MCF2L: variants seen among roughly 807,000 people sequenced by gnomAD.
MCF2L encodes the protein guanine nucleotide exchange factor DBS.
A neutral mutation model predicts 153.4 loss-of-function variants in MCF2L; 97 were observed. The observed-to-expected ratio is 0.63, with a 90% CI of 0.54 to 0.75. The LOEUF (loss-of-function observed/expected upper bound fraction) is 0.75, where lower values mean the gene tolerates loss of function less well. MCF2L is among the 30% of genes least tolerant of loss of function. The probability of loss-of-function intolerance (pLI) is 0.00; values close to 1 mark genes in which losing one functional copy is unlikely to be tolerated. For missense variants in MCF2L, 1,347 were observed against 1,495.2 expected (o/e 0.90, Z 1.64); for synonymous variants, 659 against 632.2 (o/e 1.04, Z -0.64).
intron 1 of MCF2L, among the ~76,000 whole-genome samples, chr13:112,897,692 G>T (rs1057493046): frequency 3.3e-5 from 5 of 152,194 alleles, no homozygotes; most frequent in Non-Finnish European, 7.3e-5. Flanking sequence ...TGTTTTCTTC[G>T]CAGTCACCAT....
rs1226865295 is a variant in MCF2L, at chr13:113,085,317, G to C, written c.2247+139G>C. On this transcript the variant is annotated intron_variant, in intron 20 of 29. Transcript: ENST00000535094. ...TCTTCCGAGCCTGTGCTGAGGCTGG[G>C]ATGCCTTTCGAGGTCCTACTGTGCG... 4.3e-6 allele frequency: 3 copies of C among 697,368 alleles called. No homozygotes were observed. The African/African-American group carries it at 5.3e-5, about 12-fold the overall frequency. 43.2% of individuals were successfully genotyped at this position (697,368 alleles called of 1,614,324 possible).
In MCF2L at chr13:112,993,002, T is replaced by C. The variant is rs1189241199; in HGVS notation, c.80-21761T>C. ...GCCCCGGCTCAGTCTCTGCCAAACG[T>C]GCGCGGGCATCAGGCAGGAGTCCAT... On this transcript the variant is annotated intron_variant, in intron 1 of 29. Coordinates refer to ENST00000535094, the MANE Select transcript of MCF2L (RefSeq NM_001112732.3). The surrounding 1 kb of genome is among the most constrained non-coding windows in gnomAD (Gnocchi z 4.6). 1.3e-5 allele frequency among the ~76,000 whole-genome samples: 2 copies of C among 152,240 alleles called. No individual in the cohort carries two copies. Among genetic ancestry groups the C allele is most frequent in the South Asian group, 4.1e-4 (2 of 4,830 alleles).
At position 113,031,991 on chromosome 13, in the gene MCF2L, C is replaced by A. The variant is rs2085756901; in HGVS notation, c.278+7233C>A. Among the ~76,000 whole-genome samples, 1 of 152,116 alleles carries A rather than the reference C, an allele frequency of 6.6e-6. No homozygotes were observed. Among genetic ancestry groups the A allele is most frequent in the African/African-American group, 2.4e-5 (1 of 41,418 alleles). The stretch of plus-strand genomic sequence containing the variant: ...ACACACACATGCAAGTGCATGCATA[C>A]CCCCCCACAGACCTGCACATGTACA... On this transcript the variant is annotated intron_variant, in intron 3 of 29. Coordinates refer to ENST00000535094, the MANE Select transcript of MCF2L (RefSeq NM_001112732.3). This position sits in a 1 kb window ranked among gnomAD's most constrained non-coding sequence, Gnocchi z 5.5.
intron 3 of MCF2L, among the ~76,000 whole-genome samples, chr13:113,029,556 T>C (rs1054597833): frequency 1.3e-5 from 2 of 152,066 alleles, no homozygotes; most frequent in African/African-American, 4.8e-5. Context: ...CGAGCAAAAT[T>C]GCCAGGCTAG....
chr13:113,087,092 C>T (rs551535626), intron 21 of MCF2L, 143 bp from the exon 22 acceptor site: 11 of 671,628 alleles, frequency 1.6e-5, no homozygotes, highest in South Asian at 3.8e-5. Context: ...TCAGTCTCCA[C>T]GAGCTTGCCT....
At chr13:112,908,832 TC>T (rs1399977420) in intron 2 of MCF2L, among the ~76,000 whole-genome samples, 1 of 151,766 alleles carries the variant, frequency 6.6e-6, no homozygotes, top group East Asian at 2.0e-4. Context: ...TTCACGCCAT[TC>T]TCCTGCCTCA....
intron 1 of MCF2L, among the ~76,000 whole-genome samples, chr13:112,982,441 C>T (rs990632557): frequency 6.6e-6 from 1 of 152,178 alleles, no homozygotes; most frequent in South Asian, 2.1e-4. Flanking sequence ...AGGGATGGAG[C>T]GAGCCCAGGC....
At chr13:113,091,996 G>A (rs959600365) in intron 26 of MCF2L, among the ~76,000 whole-genome samples, 11 of 152,212 alleles carry the variant, frequency 7.2e-5, no homozygotes, top group Non-Finnish European at 1.5e-4. Flanking sequence ...TCAGAGGCAG[G>A]GAGCTGGCCC....
chr13:113,066,068 A>G lies in MCF2L; in HGVS notation c.779A>G (p.Lys260Arg). The G allele has an allele frequency of 1.9e-6, 3 of 1,613,272 alleles. No individual in the cohort carries two copies. The highest frequency in any genetic ancestry group is 1.7e-6 in the Non-Finnish European group (2 of 1,179,910). Residue 260 changes from lysine (K) to arginine (R), a missense_variant, in exon 8 of 30, where the codon AAA (lysine) becomes AGA (arginine). This residue lies in a region of MCF2L where 820 missense variants were observed against 921.2 expected (regional missense o/e 0.89). Coordinates refer to ENST00000535094, the MANE Select transcript of MCF2L (RefSeq NM_001112732.3). Reference sequence around the variant, plus strand: ...CAGGAGGATTTGAGGCTGGCACTGAAAGAGGGGCACAGTGTCCTGGAGAGC... The same window carrying G: ...CAGGAGGATTTGAGGCTGGCACTGAGAGAGGGGCACAGTGTCCTGGAGAGC... Reference protein sequence around the residue: ...KAKEDLRLALKEGHSVLESLR... With the variant: ...KAKEDLRLALREGHSVLESLR...
chr13:112,897,428 C>T (rs112021198), intron 1 of MCF2L, among the ~76,000 whole-genome samples: 7,572 of 152,298 alleles, frequency 0.05, 282 homozygotes, highest in Non-Finnish European at 0.077. Context: ...CCTGGGATCT[C>T]CTCGGAGCCC....
At chr13:113,083,420 T>C (rs1479472178) in intron 17 of MCF2L, among the ~76,000 whole-genome samples, 1 of 152,236 alleles carries the variant, frequency 6.6e-6, no homozygotes, top group Non-Finnish European at 1.5e-5. Context: ...AGAACCTTAG[T>C]GTCCCTTAGT....
chr13:113,033,391 C>CGTGACGTGAGTGGCCCCT lies in MCF2L; in HGVS notation c.278+8637_278+8638insCGTGAGTGGCCCCTGTGA, dbSNP rs1566773510. ...TGGCCCCCGTGACGTGAGTGGCCCC[C>CGTGACGTGAGTGGCCCCT]GTGATGTGAGTGGACCCCGTGGCGT... On this transcript the variant is annotated intron_variant, in intron 3 of 29. Transcript: ENST00000535094. Among the ~76,000 whole-genome samples, 47 of 30,206 alleles carry CGTGACGTGAGTGGCCCCT rather than the reference C, an allele frequency of 1.6e-3. 3 individuals carry two copies. The highest frequency in any genetic ancestry group is 1.9e-3 in the Non-Finnish European group (25 of 13,182). The allele number at this position is 30,206 out of a possible 152,430, so 19.8% of individuals were successfully genotyped here.
intron 2 of MCF2L, among the ~76,000 whole-genome samples, chr13:112,920,170 C>A (rs2081337936): frequency 6.6e-6 from 1 of 152,172 alleles, no homozygotes; most frequent in Non-Finnish European, 1.5e-5. Context: ...GCCCGTGTTA[C>A]CTGGCTGAAC....
chr13:112,900,024 G>A (rs1053946159), intron 1 of MCF2L, among the ~76,000 whole-genome samples: 1 of 152,162 alleles, frequency 6.6e-6, no homozygotes, highest in African/African-American at 2.4e-5. Flanking sequence ...TTGGGGACGC[G>A]ATTGCAGCCA....
At chr13:113,083,127 G>A (rs537976777) in intron 17 of MCF2L, among the ~76,000 whole-genome samples, 42 of 152,144 alleles carry the variant, frequency 2.8e-4, no homozygotes, top group Non-Finnish European at 4.7e-4. Flanking sequence ...CAGTTTTGGG[G>A]AGCTCATGGG....
intron 1 of MCF2L, chr13:113,010,306 A>G (rs2084006998): frequency 1.3e-5 from 2 of 152,194 alleles, no homozygotes; most frequent in South Asian, 4.1e-4. Context: ...AAATAAAGCA[A>G]GCTTTTGAGT....
intron 1 of MCF2L, among the ~76,000 whole-genome samples, chr13:113,010,828 C>T (rs2084045842): frequency 2.0e-5 from 3 of 152,220 alleles, no homozygotes; most frequent in Admixed American, 2.0e-4. Flanking sequence ...GGCCCACCAC[C>T]TCCCAGACGT....
At chr13:112,929,760 T>C (rs9577402) in intron 2 of MCF2L, among the ~76,000 whole-genome samples, 112,323 of 152,124 alleles carry the variant, frequency 0.74, 41,574 homozygotes, top group Admixed American at 0.79. Context: ...CATCACGGAC[T>C]GCATGGTCGG....
chr13:112,927,543 A>C (rs2081420662), intron 2 of MCF2L, among the ~76,000 whole-genome samples: 1 of 152,204 alleles, frequency 6.6e-6, no homozygotes, highest in Non-Finnish European at 1.5e-5. Context: ...CAAGACTAAA[A>C]GGTAATGAAT....
Sources: allele counts gnomAD v4.1 joint callset (sites outside exome capture counted in the v4.1 genomes callset), GRCh38; gene constraint gnomAD v4.1.1; regional missense constraint gnomAD v4.1.1; non-coding constraint Gnocchi (gnomAD v3.1); transcripts MANE v1.5; gene names NCBI Gene and HGNC (gene_info 2026-07-23, HGNC 2026-07-21).